YTHDF3: variants seen among roughly 807,000 people sequenced by gnomAD.
YTHDF3 encodes the protein YTH N6-methyladenosine RNA binding protein F3.
Under a neutral mutation model 52.5 loss-of-function variants are expected in YTHDF3, and 9 were observed. The observed-to-expected ratio is 0.17, with a 90% CI of 0.10 to 0.30. The LOEUF (loss-of-function observed/expected upper bound fraction) is 0.30. YTHDF3 is among the 10% of genes least tolerant of loss of function. The pLI is 1.00. For synonymous variants in YTHDF3, 274 were observed against 243.3 expected, an observed-to-expected ratio of 1.13 and a Z score of -1.18; for missense variants, 534 against 715.0, an observed-to-expected ratio of 0.75 and a Z score of 2.89.
chr8:63,175,426 C>G lies in YTHDF3; in HGVS notation c.135+10C>G. 1 of 1,600,540 alleles carries G rather than the reference C, an allele frequency of 6.2e-7. No homozygotes were observed. Among genetic ancestry groups the G allele is most frequent in the South Asian group, 1.1e-5 (1 of 89,654 alleles). On this transcript the variant is annotated intron_variant, in intron 3 of 4. Coordinates refer to ENST00000539294, the MANE Select transcript of YTHDF3 (RefSeq NM_152758.6). ...TAGCCAGACAAATCAGGTAAGTCTT[C>G]TGACAGTTTCAGATTTTAGGAAATT...
Position 63,168,933 on chromosome 8 carries a change from G to A in YTHDF3, c.24+32G>A, listed in dbSNP as rs1218880916. On this transcript the variant is annotated intron_variant, in intron 1 of 4. Coordinates refer to ENST00000539294, the MANE Select transcript of YTHDF3 (RefSeq NM_152758.6). ...GAGCAGAGGCCCCAGGCTTGGCGAA[G>A]GCCCGAGCCCCGGAGCTCCACCCTC... 3.2e-6 allele frequency: 5 copies of A among 1,548,818 alleles called. No homozygotes were observed. The Admixed American group carries it at 9.8e-5, about 30-fold the overall frequency.
intron 4 of YTHDF3, among the ~76,000 whole-genome samples, chr8:63,198,919 A>C (rs1236937049): frequency 6.6e-6 from 1 of 152,206 alleles, no homozygotes; most frequent in Non-Finnish European, 1.5e-5. Context: ...AGTTGGGCCC[A>C]GTATGTAACA....
At chr8:63,175,474 A>C (rs147688304) in intron 3 of YTHDF3, 58 bp downstream of exon 3, 13,100 of 1,298,870 alleles carry the variant, frequency 0.01, 89 homozygotes, top group Non-Finnish European at 0.012. Flanking sequence ...GTATTAGTTG[A>C]TTTTTCAAAT....
intron 3 of YTHDF3, 79 bp downstream of exon 3, chr8:63,175,495 A>G: frequency 8.7e-7 from 1 of 1,147,212 alleles, no homozygotes; most frequent in Middle Eastern, 2.2e-4. Flanking sequence ...AGATTATTTA[A>G]TGAGATTAAC....
In YTHDF3 at chr8:63,188,364, T is replaced by G. The variant is rs76602488; in HGVS notation, c.1734+619T>G. Among the ~76,000 whole-genome samples, 99 of 151,454 alleles carry G rather than the reference T, an allele frequency of 6.5e-4. 2 individuals carry two copies. In the East Asian group the frequency reaches 0.019, roughly 29 times the overall value. The stretch of plus-strand genomic sequence containing the variant: ...AATTTTTTTTCAGACAGGGTCTCTC[T>G]TGTCCCGGCAGGAGTGTACTGGCGT... On this transcript the variant is annotated intron_variant, in intron 4 of 4. Coordinates refer to ENST00000539294, the MANE Select transcript of YTHDF3 (RefSeq NM_152758.6).
At chr8:63,176,502 G>T (rs74615297) in intron 3 of YTHDF3, among the ~76,000 whole-genome samples, 1 of 151,916 alleles carries the variant, frequency 6.6e-6, no homozygotes, top group Non-Finnish European at 1.5e-5. Flanking sequence ...GGATGGTCTC[G>T]ATCTCCTGAC....
At chr8:63,168,580 A>G (rs1585730222), upstream of YTHDF3, 17 of 542,258 alleles carry the variant, frequency 3.1e-5, no homozygotes, top group East Asian at 5.1e-4. Context: ...CGCGGACGTC[A>G]GAGTGGAGAG....
chr8:63,168,588 G>C (rs1164693370), upstream of YTHDF3: 3 of 562,544 alleles, frequency 5.3e-6, no homozygotes, highest in African/African-American at 3.9e-5. Context: ...TCAGAGTGGA[G>C]AGCGGAAGGT....
chr8:63,204,933 C>T (rs1378580769), intron 4 of YTHDF3, among the ~76,000 whole-genome samples: 2 of 152,140 alleles, frequency 1.3e-5, no homozygotes, highest in African/African-American at 2.4e-5. Flanking sequence ...TTGTTAAGGG[C>T]ATGCGGTAGG....
At chr8:63,180,974 G>A (rs1212980744) in intron 3 of YTHDF3, among the ~76,000 whole-genome samples, 1 of 152,242 alleles carries the variant, frequency 6.6e-6, no homozygotes, top group Non-Finnish European at 1.5e-5. Flanking sequence ...GAAAGAGGGA[G>A]AGGGAGAGGG....
rs765457330 is a variant in YTHDF3, at chr8:63,187,067, T to A, written c.1056T>A (p.Asn352Lys). 5 of 1,613,584 alleles carry A rather than the reference T, an allele frequency of 3.1e-6. No homozygotes were observed. Among genetic ancestry groups the A allele is most frequent in the Non-Finnish European group, 4.2e-6 (5 of 1,179,762 alleles). ...AGCCTCAACAGCAGCAGCTGCAGAA[T>A]CGCTGGGTAGCTCCTCGTAACAGGG... ...QVQPQQQQLQ[N>K]RWVAPRNRGA... The change falls in exon 4 of 5, where the codon AAT becomes AAA. Residue 352 changes from asparagine (N) to lysine (K), a missense_variant. Around this residue, in one of 3 missense-constraint regions of YTHDF3, gnomAD observed 203 missense variants for 201.3 expected, o/e 1.01. Coordinates refer to ENST00000539294, the MANE Select transcript of YTHDF3 (RefSeq NM_152758.6).
intron 1 of YTHDF3, 109 bp downstream of exon 1, chr8:63,169,010 T>G (rs1807084357): frequency 6.8e-7 from 1 of 1,477,200 alleles, no homozygotes; most frequent in African/African-American, 1.5e-5. Context: ...CCCATAACGG[T>G]GCCCCGGGCG....
intron 3 of YTHDF3, among the ~76,000 whole-genome samples, chr8:63,185,792 G>A (rs552497987): frequency 6.6e-6 from 1 of 152,266 alleles, no homozygotes; most frequent in Non-Finnish European, 1.5e-5. Flanking sequence ...GGCTGTAAAT[G>A]GTAATTTTGT....
At chr8:63,168,988 G>C (rs973937131) in intron 1 of YTHDF3, 87 bp downstream of exon 1, 7 of 1,505,500 alleles carry the variant, frequency 4.6e-6, no homozygotes, top group Non-Finnish European at 6.2e-6. Flanking sequence ...CCCCGTCGCC[G>C]CCGCTGCCGG....
Position 63,202,385 on chromosome 8 carries a change from G to A in YTHDF3, c.1735-7298G>A, listed in dbSNP as rs994304286. The stretch of plus-strand genomic sequence containing the variant: ...CTAGAAGCTTATCTAAGTATTATTA[G>A]CACTTTAAAGGTGGACATATGTGCA... On this transcript the variant is annotated intron_variant, in intron 4 of 4. Transcript: ENST00000539294. 7.9e-5 allele frequency among the ~76,000 whole-genome samples: 12 copies of A among 151,926 alleles called. 1 individual carries two copies. The highest frequency in any genetic ancestry group is 2.7e-4 in the African/African-American group (11 of 41,342).
At chr8:63,194,029 T>G (rs1809080442) in intron 4 of YTHDF3, among the ~76,000 whole-genome samples, 1 of 152,198 alleles carries the variant, frequency 6.6e-6, no homozygotes, top group Non-Finnish European at 1.5e-5. Flanking sequence ...TCAATAGTTT[T>G]TTTTTTTTTT....
intron 2 of YTHDF3, among the ~76,000 whole-genome samples, chr8:63,173,960 A>G (rs1807516943): frequency 6.6e-6 from 1 of 152,164 alleles, no homozygotes; most frequent in Admixed American, 6.5e-5. Flanking sequence ...TTTACACAGT[A>G]ACATCATATC....
intron 1 of YTHDF3, 199 bp from the exon 2 acceptor site, chr8:63,169,188 G>C (rs980501324): frequency 2.2e-6 from 3 of 1,377,916 alleles, no homozygotes; most frequent in Non-Finnish European, 2.9e-6. Context: ...CGAGCTCTGG[G>C]AGACGGATTC....
At chr8:63,206,103 C>T (rs1013977377) in intron 4 of YTHDF3, among the ~76,000 whole-genome samples, 3 of 151,896 alleles carry the variant, frequency 2.0e-5, no homozygotes, top group African/African-American at 7.3e-5. Flanking sequence ...GACGGAGTTT[C>T]GCTCTTGTTG....
Sources: gnomAD v4.1 joint callset for allele counts (sites outside exome capture counted in the v4.1 genomes callset) on GRCh38, gnomAD v4.1.1 for gene constraint, gnomAD v4.1.1 regional missense constraint, MANE v1.5 for transcripts, NCBI Gene and HGNC (gene_info 2026-07-23, HGNC 2026-07-21) for gene names.